Variants in PRAM1 observed in about 807,000 individuals in gnomAD.
PRAM1 encodes PML-RARA regulated adaptor molecule 1, also known as PML-RARA-regulated adapter molecule 1.
In PRAM1, 41 loss-of-function variants were observed where a neutral mutation model predicts 55.3. That is an observed-to-expected ratio of 0.74 (90% CI 0.58 to 0.96). The LOEUF is 0.96. Among genes scored for constraint, PRAM1 ranks in the 40% least tolerant of loss-of-function variants. The pLI is 0.00. For missense variants in PRAM1, 898 were observed against 892.7 expected (o/e 1.01, Z -0.08); for synonymous variants, 401 against 387.1 (o/e 1.04, Z -0.42).
At chr19:8,496,239 C>T (rs889212026) in intron 4 of PRAM1, 3 of 366,696 alleles carry the variant, frequency 8.2e-6, no homozygotes, top group African/African-American at 6.5e-5. Flanking sequence ...TGTAGTGAAA[C>T]CCCAGCTCTA....
rs775447059 is a variant in PRAM1 at position 8,498,383 on chromosome 19, T to A, written c.1425A>T (p.Ala475=). The part of the protein sequence containing the change: ...DMQSFRRPSA[A]SIDLRRTRSA... ...CCGCCCGCCCTCACCCACCTATGGA[T>A]GCTGCAGAGGGTCTCCGAAAGCTCT... is the stretch of plus-strand genomic sequence containing the variant. Residue 475 remains alanine (A), a synonymous_variant, in exon 2 of 10, where the codon GCA becomes GCT. Transcript: ENST00000423345. The A allele has an allele frequency of 6.3e-7, 1 of 1,583,552 alleles. No individual in the cohort carries two copies. Among genetic ancestry groups the A allele is most frequent in the South Asian group, 1.1e-5 (1 of 87,754 alleles).
rs761623410 is a variant in PRAM1 at position 8,490,794 on chromosome 19, C to T, written c.1744-38G>A. ...ATGTTAGGGCCTCTGCTTGTGCTGC[C>T]GCCCTTGGGCCCCTGTCTTCTTTCT... On this transcript the variant is annotated intron_variant, in intron 6 of 9. Coordinates refer to ENST00000423345, the MANE Select transcript of PRAM1 (RefSeq NM_032152.5). This position sits in a 1 kb window ranked among gnomAD's most constrained non-coding sequence, Gnocchi z 7.3. 8 of 1,606,270 alleles carry T rather than the reference C, an allele frequency of 5.0e-6. No individual in the cohort carries two copies. The highest frequency in any genetic ancestry group is 2.7e-5 in the African/African-American group (2 of 74,876).
rs768331670 is a variant in PRAM1, at chr19:8,498,213, C to T, written c.1499+10G>A. ...ATCCGCACCCACCTCCGCTTCCTCC[C>T]CACACTCACTGCGGGATGTCTTCAG... On this transcript the variant is annotated intron_variant, in intron 3 of 9. Transcript: ENST00000423345. 3.8e-5 allele frequency: 61 copies of T among 1,610,872 alleles called. No homozygotes were observed. The highest frequency in any genetic ancestry group is 5.0e-5 in the Non-Finnish European group (59 of 1,179,226).
chr19:8,492,953 C>T (rs1312696252), intron 4 of PRAM1, among the ~76,000 whole-genome samples: 3 of 152,078 alleles, frequency 2.0e-5, no homozygotes, highest in African/African-American at 4.8e-5. Flanking sequence ...GTCAAGATGG[C>T]GCCGCTGCAC....
chr19:8,502,457 A>ACCCCCCCCCCCCC (rs138708138), intron 1 of PRAM1, 108 bp downstream of exon 1: 256 of 470,036 alleles, frequency 5.4e-4, no homozygotes, highest in Middle Eastern at 1.9e-3. Flanking sequence ...TTTCGCAGCC[A>ACCCCCCCCCCCCC]CCCCCCGCCC....
chr19:8,497,798 G>C lies in PRAM1; in HGVS notation c.1542C>G (p.Pro514=). The change falls in exon 4 of 10, where the codon CCC becomes CCG. Residue 514 remains proline (P), a synonymous_variant. Coordinates refer to ENST00000423345, the MANE Select transcript of PRAM1 (RefSeq NM_032152.5). ...TGGGGCTGGGGCTGGAGTCATCTCT[G>C]GGTTCCACATCGTCATACAGCTCGT... ...EIYELYDDVE[P]RDDSSPSPKG... The C allele has an allele frequency of 6.2e-7, 1 of 1,613,128 alleles. No individual in the cohort carries two copies. Among genetic ancestry groups the C allele is most frequent in the Non-Finnish European group, 8.5e-7 (1 of 1,179,656 alleles).
rs767459483 is a variant in PRAM1 at position 8,498,307 on chromosome 19, G to A, written c.1433-18C>T. ...CCGTAGATCTGTGGGGTAGAGAGTA[G>A]GGCAGGGAAGCCGGCACTGCCTGGG... On this transcript the variant is annotated intron_variant, in intron 2 of 9. Coordinates refer to ENST00000423345, the MANE Select transcript of PRAM1 (RefSeq NM_032152.5). 2 of 1,609,314 alleles carry A rather than the reference G, an allele frequency of 1.2e-6. No homozygotes were observed. The highest frequency in any genetic ancestry group is 1.7e-5 in the Admixed American group (1 of 59,458).
In PRAM1 at chr19:8,502,512, T is replaced by C. The variant is rs919791204; in HGVS notation, c.27+53A>G. 2.2e-5 allele frequency: 22 copies of C among 988,930 alleles called. No homozygotes were observed. In the East Asian group the frequency reaches 1.4e-3, roughly 61 times the overall value. 61.3% of individuals were successfully genotyped at this position (988,930 alleles called of 1,614,324 possible). Reference sequence around the variant, plus strand: ...GGTGGATCCTATCCTTCTGGGAACATCTGTGTCCCTTGCTTCCCAGCCAGT... The same window carrying C: ...GGTGGATCCTATCCTTCTGGGAACACCTGTGTCCCTTGCTTCCCAGCCAGT... On this transcript the variant is annotated intron_variant, in intron 1 of 9. Coordinates refer to ENST00000423345, the MANE Select transcript of PRAM1 (RefSeq NM_032152.5).
intron 1 of PRAM1, among the ~76,000 whole-genome samples, chr19:8,500,036 G>A (rs563730415): frequency 5.3e-5 from 8 of 151,968 alleles, no homozygotes; most frequent in Non-Finnish European, 8.8e-5. Context: ...CCCTCCTGCA[G>A]CCTCCAGTCC....
Position 8,490,175 on chromosome 19 carries a change from C to T in PRAM1, c.*14G>A. 6.4e-7 allele frequency: 1 copy of T among 1,557,786 alleles called. No homozygotes were observed. Among genetic ancestry groups the T allele is most frequent in the Non-Finnish European group, 8.7e-7 (1 of 1,150,026 alleles). On this transcript the variant is annotated 3_prime_UTR_variant, in exon 10 of 10. Transcript: ENST00000423345. This position sits in a 1 kb window ranked among gnomAD's most constrained non-coding sequence, Gnocchi z 7.3. ...CTGGGCTGGCTGGCTGTCCTGGCCC[C>T]ACGCCTACCGGTCTTACCGTCCCAG...
Position 8,490,673 on chromosome 19 carries a change from C to A in PRAM1, c.1827G>T (p.Gly609=), listed in dbSNP as rs1196816096. ...KTRRGGGKHL[G]IRRGEILEVI... Reference sequence around the variant, plus strand: ...CCTCCAGGATCTCCCCGCGCCGGATCCCGAGGTGCTTGCCACCCCCGCGAC... The same window carrying A: ...CCTCCAGGATCTCCCCGCGCCGGATACCGAGGTGCTTGCCACCCCCGCGAC... The change falls in exon 7 of 10, where the codon GGG becomes GGT. Residue 609 remains glycine (G), a synonymous_variant. Transcript: ENST00000423345. The surrounding 1 kb of genome is among the most constrained non-coding windows in gnomAD (Gnocchi z 7.3). 6.3e-7 allele frequency: 1 copy of A among 1,599,026 alleles called. No individual in the cohort carries two copies.
chr19:8,498,551 C>T lies in PRAM1; in HGVS notation c.1257G>A (p.Arg419=), dbSNP rs568398669. The change falls in exon 2 of 10, where the codon AGG becomes AGA. Residue 419 remains arginine (R), a synonymous_variant. Coordinates refer to ENST00000423345, the MANE Select transcript of PRAM1 (RefSeq NM_032152.5). ...GFGAAGTPRW[R]SGGLVHSGGA... is the part of the protein sequence containing the mutation. Reference sequence around the variant, plus strand: ...CTCCACTGTGAACCAGGCCTCCTGACCTCCAGCGGGGTGTCCCAGCCGCTC... The same window carrying T: ...CTCCACTGTGAACCAGGCCTCCTGATCTCCAGCGGGGTGTCCCAGCCGCTC... 1.6e-5 allele frequency: 25 copies of T among 1,611,084 alleles called. No homozygotes were observed. The South Asian group carries it at 2.6e-4, about 17-fold the overall frequency.
At chr19:8,491,476 A>C in intron 4 of PRAM1, 1 of 449,886 alleles carries the variant, frequency 2.2e-6, no homozygotes, top group Non-Finnish European at 4.1e-6. Flanking sequence ...CAGGCAATCC[A>C]CTCGCCTCGG....
At position 8,498,560 on chromosome 19, in the gene PRAM1, G is replaced by A. The variant is rs1288874857; in HGVS notation, c.1248C>T (p.Pro416=). 6.2e-7 allele frequency: 1 copy of A among 1,611,898 alleles called. No homozygotes were observed. Among genetic ancestry groups the A allele is most frequent in the Non-Finnish European group, 8.5e-7 (1 of 1,179,392 alleles). ...GAACCAGGCCTCCTGACCTCCAGCG[G>A]GGTGTCCCAGCCGCTCCAAACCCAG... The part of the protein sequence containing the change: ...LSPGFGAAGT[P]RWRSGGLVHS... Residue 416 remains proline, a synonymous_variant, in exon 2 of 10, where the codon CCC becomes CCT. Transcript: ENST00000423345.
intron 4 of PRAM1, chr19:8,491,483 T>C (rs1971628915): frequency 4.6e-6 from 2 of 430,340 alleles, no homozygotes; most frequent in African/African-American, 2.0e-5. Flanking sequence ...TCCACTCGCC[T>C]CGGCCTCCTA....
At chr19:8,500,632 C>T (rs536202645) in intron 1 of PRAM1, among the ~76,000 whole-genome samples, 1 of 152,300 alleles carries the variant, frequency 6.6e-6, no homozygotes, top group East Asian at 1.9e-4. Context: ...TGAACACTTC[C>T]CTCCGACCTC....
chr19:8,490,141 G>A lies in PRAM1; in HGVS notation c.*48C>T. ...GCGCCGGGATCCAGGGCTCCTGGGT[G>A]AGCGGGCGCTGGGCTGGCTGGCTGT... On this transcript the variant is annotated 3_prime_UTR_variant, in exon 10 of 10. Transcript: ENST00000423345. The surrounding 1 kb of genome is among the most constrained non-coding windows in gnomAD (Gnocchi z 7.3). 1 of 1,484,774 alleles carries A rather than the reference G, an allele frequency of 6.7e-7. No individual in the cohort carries two copies. The highest frequency in any genetic ancestry group is 2.4e-5 in the East Asian group (1 of 41,200). The allele number at this position is 1,484,774 out of a possible 1,614,324, so 92.0% of individuals were successfully genotyped here.
rs1568316648 is a variant in PRAM1, at chr19:8,498,571, C to T, written c.1237G>A (p.Ala413Thr). Residue 413 changes from alanine (A) to threonine (T), a missense_variant, in exon 2 of 10, where the codon GCT (alanine) becomes ACT (threonine). Ala to Thr is a moderately conservative substitution (Grantham distance 58, BLOSUM62 0). Coordinates refer to ENST00000423345, the MANE Select transcript of PRAM1 (RefSeq NM_032152.5). Reference sequence around the variant, plus strand: ...CCTGACCTCCAGCGGGGTGTCCCAGCCGCTCCAAACCCAGGGCTGAGCGGG... The same window carrying T: ...CCTGACCTCCAGCGGGGTGTCCCAGTCGCTCCAAACCCAGGGCTGAGCGGG... ...RHPLSPGFGA[A>T]GTPRWRSGGL... 6.2e-7 allele frequency: 1 copy of T among 1,612,062 alleles called. No homozygotes were observed. Among genetic ancestry groups the T allele is most frequent in the Non-Finnish European group, 8.5e-7 (1 of 1,179,474 alleles).
intron 1 of PRAM1, among the ~76,000 whole-genome samples, chr19:8,500,771 A>G (rs1156819494): frequency 6.6e-6 from 1 of 151,700 alleles, no homozygotes; most frequent in Non-Finnish European, 1.5e-5. Flanking sequence ...CTATTTGTTT[A>G]TTTTTATTTT....
Sources: gnomAD v4.1 joint callset for allele counts (sites outside exome capture counted in the v4.1 genomes callset) on GRCh38, gnomAD v4.1.1 for gene constraint, Gnocchi (gnomAD v3.1) non-coding constraint, MANE v1.5 for transcripts, NCBI Gene and HGNC (gene_info 2026-07-23, HGNC 2026-07-21) for gene names.